Variants in TLE4 observed in about 807,000 individuals in gnomAD.
TLE4 encodes the protein TLE family member 4, transcriptional corepressor, also known as transducin-like enhancer protein 4.
A neutral mutation model predicts 92.8 loss-of-function variants in TLE4; 8 were observed. The ratio of observed to expected loss-of-function variants is 0.09; its 90% confidence interval spans 0.05 to 0.16. The LOEUF is 0.16. Among genes scored for constraint, TLE4 ranks in the 10% least tolerant of loss-of-function variants. The pLI, the probability that TLE4 is intolerant of heterozygous loss-of-function variation, is 1.00. For synonymous variants in TLE4, 371 were observed against 374.1 expected (o/e 0.99, Z 0.10); for missense variants, 675 against 997.6 (o/e 0.68, Z 4.36).
At chr9:79,698,608 C>T (rs934775632) in intron 8 of TLE4, among the ~76,000 whole-genome samples, 3 of 151,944 alleles carry the variant, frequency 2.0e-5, no homozygotes, top group Non-Finnish European at 4.4e-5. Context: ...CTTTTAATGA[C>T]TTCCTTAATC....
chr9:79,693,170 C>T (rs904233267), intron 8 of TLE4, among the ~76,000 whole-genome samples: 9 of 152,110 alleles, frequency 5.9e-5, no homozygotes, highest in Admixed American at 2.0e-4. Flanking sequence ...ACTTATGTCA[C>T]GGGATTCTTC....
intron 8 of TLE4, among the ~76,000 whole-genome samples, chr9:79,655,101 C>T (rs890166053): frequency 6.6e-6 from 1 of 152,178 alleles, no homozygotes; most frequent in Non-Finnish European, 1.5e-5. Context: ...GAGATCATGC[C>T]ACTGCACTCC....
At chr9:79,682,417 C>G (rs2064914955) in intron 8 of TLE4, among the ~76,000 whole-genome samples, 1 of 152,136 alleles carries the variant, frequency 6.6e-6, no homozygotes, top group Admixed American at 6.5e-5. Flanking sequence ...CCTGACATGC[C>G]TTTTCCAAGT....
At chr9:79,685,753 A>G (rs2065711702) in intron 8 of TLE4, among the ~76,000 whole-genome samples, 1 of 152,246 alleles carries the variant, frequency 6.6e-6, no homozygotes, top group African/African-American at 2.4e-5. Flanking sequence ...GCAGGATATT[A>G]GTATGTAAGA....
At chr9:79,650,842 A>T (rs528945339) in intron 6 of TLE4, among the ~76,000 whole-genome samples, 1 of 152,230 alleles carries the variant, frequency 6.6e-6, no homozygotes, top group East Asian at 1.9e-4. Flanking sequence ...ATGTAGCCAG[A>T]ACATAGGTAC....
At chr9:79,574,614 T>C (rs1343567445) in intron 2 of TLE4, among the ~76,000 whole-genome samples, 1 of 152,162 alleles carries the variant, frequency 6.6e-6, no homozygotes, top group Non-Finnish European at 1.5e-5. Context: ...TGAATTAAAC[T>C]GATTAGAGGA....
intron 11 of TLE4, among the ~76,000 whole-genome samples, chr9:79,707,520 A>G (rs1023315621): frequency 2.6e-5 from 4 of 152,172 alleles, no homozygotes; most frequent in African/African-American, 9.6e-5. Context: ...TAAAAAGACA[A>G]ATTCAGTTTT....
chr9:79,618,725 C>T (rs1477431675), intron 5 of TLE4, among the ~76,000 whole-genome samples: 1 of 152,072 alleles, frequency 6.6e-6, no homozygotes, highest in Non-Finnish European at 1.5e-5. Context: ...ATGGAGGAGC[C>T]CTGCAGGCTA....
intron 4 of TLE4, among the ~76,000 whole-genome samples, chr9:79,608,749 T>A (rs1195056608): frequency 3.3e-5 from 5 of 152,060 alleles, no homozygotes; most frequent in Non-Finnish European, 7.4e-5. Context: ...GTTCCTATTT[T>A]GATGAGAGAC....
intron 5 of TLE4, among the ~76,000 whole-genome samples, chr9:79,624,259 T>C (rs1173709968): frequency 1.3e-5 from 2 of 151,664 alleles, no homozygotes; most frequent in East Asian, 3.9e-4. Flanking sequence ...CTCTTTTGTG[T>C]GTAATCTTTT....
At chr9:79,693,589 TG>T in intron 8 of TLE4, 1 of 475,314 alleles carries the variant, frequency 2.1e-6, no homozygotes, top group Non-Finnish European at 4.1e-6. Flanking sequence ...TGTCCTGCGG[TG>T]GGACATGCAT....
chr9:79,603,796 C>T (rs537676164), intron 4 of TLE4, among the ~76,000 whole-genome samples: 5 of 152,062 alleles, frequency 3.3e-5, no homozygotes, highest in African/African-American at 1.2e-4. Flanking sequence ...TCAACAAAAG[C>T]GTATTGAGTG....
At chr9:79,614,527 T>G (rs765200927) in intron 5 of TLE4, among the ~76,000 whole-genome samples, 1 of 152,180 alleles carries the variant, frequency 6.6e-6, no homozygotes, top group Non-Finnish European at 1.5e-5. Flanking sequence ...AAGGAAGTTG[T>G]ACCTGTAGGT....
intron 8 of TLE4, among the ~76,000 whole-genome samples, chr9:79,691,823 T>A (rs1422538733): frequency 6.6e-6 from 1 of 152,236 alleles, no homozygotes; most frequent in Non-Finnish European, 1.5e-5. Flanking sequence ...AGTCTCAGCA[T>A]CTTATGTTCT....
At chr9:79,682,464 C>A (rs917980075) in intron 8 of TLE4, among the ~76,000 whole-genome samples, 1 of 152,126 alleles carries the variant, frequency 6.6e-6, no homozygotes, top group Non-Finnish European at 1.5e-5. Flanking sequence ...TTATCTCTAA[C>A]TCTCATTGAA....
intron 6 of TLE4, among the ~76,000 whole-genome samples, chr9:79,645,687 C>T (rs1244862629): frequency 6.6e-6 from 1 of 152,182 alleles, no homozygotes; most frequent in Non-Finnish European, 1.5e-5. Flanking sequence ...TCTGCCACTT[C>T]ATGGCTGTGT....
chr9:79,677,871 T>G (rs972548141), intron 8 of TLE4, among the ~76,000 whole-genome samples: 2 of 152,092 alleles, frequency 1.3e-5, no homozygotes, highest in Non-Finnish European at 2.9e-5. Context: ...ATTCTACACA[T>G]TTATCAAACT....
chr9:79,702,599 A>G (rs1219919853), intron 8 of TLE4, among the ~76,000 whole-genome samples: 5 of 152,342 alleles, frequency 3.3e-5, no homozygotes, highest in East Asian at 3.9e-4. Flanking sequence ...TTTTGTGTCA[A>G]TCTTCAGCCT....
At chr9:79,618,961 C>G (rs1003043585) in intron 5 of TLE4, among the ~76,000 whole-genome samples, 2 of 152,072 alleles carry the variant, frequency 1.3e-5, no homozygotes, top group Non-Finnish European at 2.9e-5. Flanking sequence ...CATTTTTATA[C>G]TTATTTTACC....
Sources: allele counts gnomAD v4.1 joint callset (sites outside exome capture counted in the v4.1 genomes callset), GRCh38; gene constraint gnomAD v4.1.1; transcripts MANE v1.5; gene names NCBI Gene and HGNC (gene_info 2026-07-23, HGNC 2026-07-21).